Variants in FABP6 observed in about 807,000 individuals in gnomAD.
FABP6 encodes gastrotropin.
A neutral mutation model predicts 14.9 loss-of-function variants in FABP6; 13 were observed. That is an observed-to-expected ratio of 0.87 (90% CI 0.57 to 1.39). FABP6 has a LOEUF of 1.39. Among genes scored for constraint, FABP6 ranks in the 40% most tolerant of loss-of-function variants. The pLI, the probability that FABP6 is intolerant of heterozygous loss-of-function variation, is 0.00. For missense variants in FABP6, 161 were observed against 167.2 expected (o/e 0.96, Z 0.20); for synonymous variants, 75 against 63.6 (o/e 1.18, Z -0.85).
intron 1 of FABP6, among the ~76,000 whole-genome samples, chr5:160,189,972 G>A (rs1759363372): frequency 6.6e-6 from 1 of 152,104 alleles, no homozygotes; most frequent in South Asian, 2.1e-4. Context: ...CTCAGGCATA[G>A]GAGATAAAAA....
intron 1 of FABP6, chr5:160,196,946 C>T (rs13171770): frequency 0.22 from 32,951 of 152,204 alleles, 3,668 homozygotes; most frequent in South Asian, 0.25. Context: ...ACTCTCATCC[C>T]GCTTTCCTAC....
chr5:160,228,761 G>A (rs1561754656), upstream of FABP6: 1 of 311,936 alleles, frequency 3.2e-6, no homozygotes, highest in Non-Finnish European at 6.4e-6. Context: ...AGGAGCATCT[G>A]TTCTCCTTCA....
At chr5:160,188,590 A>G (rs1051481605) in intron 1 of FABP6, among the ~76,000 whole-genome samples, 1 of 152,126 alleles carries the variant, frequency 6.6e-6, no homozygotes, top group African/African-American at 2.4e-5. Context: ...GGACCCCGCT[A>G]AACGGAGGAG....
At chr5:160,211,328 C>T (rs569032343) in intron 2 of FABP6, among the ~76,000 whole-genome samples, 3 of 152,272 alleles carry the variant, frequency 2.0e-5, no homozygotes, top group African/African-American at 4.8e-5. Context: ...TACATGTCCT[C>T]GGCTGAGCCC....
chr5:160,234,837 G>A lies in FABP6; in HGVS notation c.261G>A (p.Glu87=). The A allele has an allele frequency of 2.5e-6, 4 of 1,611,276 alleles. No homozygotes were observed. The highest frequency in any genetic ancestry group is 3.4e-6 in the Non-Finnish European group (4 of 1,178,526). ...CATTCCAGGCCACTGTGCAGATGGA[G>A]GGCGGGAAGCTGGTGGTGAATTTCC... is the stretch of plus-strand genomic sequence containing the variant. ...GKTFKATVQM[E]GGKLVVNFPN... Residue 87 remains glutamate, a synonymous_variant, in exon 3 of 4, where the codon GAG becomes GAA. Transcript: ENST00000402432.
rs745466065 is a variant in FABP6, at chr5:160,213,700, G to T, written c.52-36G>T. ...GGACCAGAGATGCCCACTTGACTCA[G>T]GATAGGCCAATCAGATTATTTCTCT... On this transcript the variant is annotated intron_variant, in intron 2 of 6. Transcript: ENST00000393980. The T allele has an allele frequency of 3.1e-6, 5 of 1,593,630 alleles. No homozygotes were observed. In the African/African-American group the frequency reaches 5.4e-5, roughly 17 times the overall value.
At chr5:160,231,293 G>C (rs905266606) in intron 1 of FABP6, among the ~76,000 whole-genome samples, 1 of 152,238 alleles carries the variant, frequency 6.6e-6, no homozygotes, top group Non-Finnish European at 1.5e-5. Context: ...TTCTAGACCT[G>C]ATTCGGTCAT....
chr5:160,220,067 C>G (rs1306581032), intron 3 of FABP6, among the ~76,000 whole-genome samples: 1 of 152,058 alleles, frequency 6.6e-6, no homozygotes, highest in Non-Finnish European at 1.5e-5. Flanking sequence ...CAGCTTGAGG[C>G]CTGGAAGGGA....
At chr5:160,208,782 CTT>C (rs57422043) in intron 2 of FABP6, among the ~76,000 whole-genome samples, 69 of 142,324 alleles carry the variant, frequency 4.8e-4, no homozygotes, top group Admixed American at 4.9e-4. Context: ...TCTTTCTTTT[CTT>C]TTTTTTTTTT....
chr5:160,210,956 G>T (rs574443160), intron 2 of FABP6, among the ~76,000 whole-genome samples: 1 of 152,102 alleles, frequency 6.6e-6, no homozygotes, highest in East Asian at 1.9e-4. Context: ...GCATGGGAGC[G>T]GGACGACCTT....
chr5:160,199,095 A>C, exon 2 of FABP6: 1 of 1,614,076 alleles, frequency 6.2e-7, no homozygotes, highest in Non-Finnish European at 8.5e-7. Context: ...GGGCTGGTCC[A>C]GCCCAGAGGC....
intron 2 of FABP6, among the ~76,000 whole-genome samples, chr5:160,202,041 C>G (rs6867647): frequency 0.9 from 137,531 of 152,308 alleles, 62,195 homozygotes; most frequent in Non-Finnish European, 0.92. Flanking sequence ...TGGGATTACA[C>G]GTGTGAGCCA....
intron 2 of FABP6, among the ~76,000 whole-genome samples, chr5:160,233,294 T>A (rs879506251): frequency 6.6e-6 from 1 of 152,034 alleles, no homozygotes; most frequent in Admixed American, 6.6e-5. Flanking sequence ...GTGCTTTTTT[T>A]ATGCTGCCTC....
In FABP6 at chr5:160,202,184, C is replaced by T. The variant is rs546631839; in HGVS notation, c.51+3027C>T. ...AGGGGAGATGGATATTGAGACGACA[C>T]AATCCTCAGTATTGTCATTATCATT... On this transcript the variant is annotated intron_variant, in intron 2 of 6. Transcript: ENST00000393980. Among the ~76,000 whole-genome samples, 185 of 152,280 alleles carry T rather than the reference C, an allele frequency of 1.2e-3. 1 individual carries two copies. The highest frequency in any genetic ancestry group is 3.4e-3 in the Middle Eastern group (1 of 294).
chr5:160,193,912 G>C (rs983454180), intron 1 of FABP6, among the ~76,000 whole-genome samples: 1 of 135,278 alleles, frequency 7.4e-6, no homozygotes, highest in Non-Finnish European at 1.7e-5. Context: ...TCAGCCCTTG[G>C]GCGGTCGATG....
At chr5:160,214,084 CCTTTCTCTTT>C (rs756719114) in intron 3 of FABP6, among the ~76,000 whole-genome samples, 205 of 149,998 alleles carry the variant, frequency 1.4e-3, no homozygotes, top group Non-Finnish European at 1.9e-3. Context: ...GTTTTGCCTG[CCTTTCTCTTT>C]CTTTCTTTCT....
rs1007284573 is a variant in FABP6, at chr5:160,236,547, G to A, written c.333+1638G>A. Among the ~76,000 whole-genome samples the A allele has an allele frequency of 5.3e-5, 8 of 152,276 alleles. 1 individual carries two copies. Among genetic ancestry groups the A allele is most frequent in the Admixed American group, 5.2e-4 (8 of 15,290 alleles). ...ATTACAAGGCTCAGAGACAGCAAGG[G>A]ACTTGGCCGTGGCCACACAACTAGT... is the stretch of plus-strand genomic sequence containing the variant. On this transcript the variant is annotated intron_variant, in intron 3 of 3. Coordinates refer to ENST00000402432, the MANE Select transcript of FABP6 (RefSeq NM_001445.3).
At chr5:160,195,465 C>T (rs1295225567) in intron 1 of FABP6, among the ~76,000 whole-genome samples, 1 of 152,080 alleles carries the variant, frequency 6.6e-6, no homozygotes, top group Non-Finnish European at 1.5e-5. Context: ...GTCTCTCTCT[C>T]TCTTTTTGAG....
chr5:160,228,704 A>G, upstream of FABP6: 1 of 366,384 alleles, frequency 2.7e-6, no homozygotes, highest in South Asian at 2.0e-5. Context: ...TGCGCTGCCT[A>G]GGCCCATGGG....
Sources: allele counts gnomAD v4.1 joint callset (sites outside exome capture counted in the v4.1 genomes callset), GRCh38; gene constraint gnomAD v4.1.1; transcripts MANE v1.5; gene names NCBI Gene and HGNC (gene_info 2026-07-23, HGNC 2026-07-21).